The following TBL1XR1 variants were observed in gnomAD, a reference collection of about 807,000 sequenced individuals.
TBL1XR1 encodes TBL1X/Y related 1.
TBL1XR1 carries 5 observed loss-of-function variants against 66.9 expected under a neutral mutation model. The ratio of observed to expected loss-of-function variants is 0.07; its 90% CI spans 0.04 to 0.16. TBL1XR1 has a LOEUF of 0.16. TBL1XR1 is among the 10% of genes least tolerant of loss of function. TBL1XR1 has a pLI of 1.00. For missense variants in TBL1XR1, 238 were observed against 623.2 expected (o/e 0.38, Z 6.58); for synonymous variants, 210 against 206.0 (o/e 1.02, Z -0.17).
intron 1 of TBL1XR1, among the ~76,000 whole-genome samples, chr3:177,153,139 A>C (rs1390306072): frequency 6.6e-6 from 1 of 151,736 alleles, no homozygotes; most frequent in African/African-American, 2.4e-5. Flanking sequence ...TGTCTCAAAA[A>C]TAAAATAAAA....
chr3:177,171,830 A>G (rs1733555056), intron 1 of TBL1XR1, among the ~76,000 whole-genome samples: 1 of 151,702 alleles, frequency 6.6e-6, no homozygotes, highest in South Asian at 2.1e-4. Flanking sequence ...GCAAATTGTT[A>G]TGTCAGAAAG....
At chr3:177,110,039 G>C (rs1179759920) in intron 1 of TBL1XR1, among the ~76,000 whole-genome samples, 1 of 152,102 alleles carries the variant, frequency 6.6e-6, no homozygotes, top group Non-Finnish European at 1.5e-5. Context: ...TTTCTCTGCA[G>C]TATCGATTTG....
intron 10 of TBL1XR1, among the ~76,000 whole-genome samples, chr3:177,039,080 A>T (rs899612020): frequency 1.3e-5 from 2 of 152,234 alleles, no homozygotes; most frequent in African/African-American, 4.8e-5. Flanking sequence ...TAGTAAAAAT[A>T]CTGTATAATG....
intron 1 of TBL1XR1, among the ~76,000 whole-genome samples, chr3:177,107,108 A>G (rs1166188265): frequency 7.3e-5 from 11 of 151,296 alleles, no homozygotes; most frequent in Admixed American, 5.3e-4. Context: ...GGCCTCTTTA[A>G]AAAAAAAATT....
At chr3:177,150,349 A>T (rs1027564730) in intron 1 of TBL1XR1, among the ~76,000 whole-genome samples, 1 of 152,210 alleles carries the variant, frequency 6.6e-6, no homozygotes, top group Admixed American at 6.5e-5. Context: ...AGAGTCCTCA[A>T]TTCCTTAAAA....
intron 14 of TBL1XR1, among the ~76,000 whole-genome samples, chr3:177,031,073 T>G (rs1713920777): frequency 6.6e-6 from 1 of 152,078 alleles, no homozygotes; most frequent in Non-Finnish European, 1.5e-5. Flanking sequence ...GATCGTGCCA[T>G]CGCACTCCAG....
rs2108691492 is a variant in TBL1XR1 at position 177,105,190 on chromosome 3, G to T, written c.-121-6649C>A. Among the ~76,000 whole-genome samples the T allele has an allele frequency of 1.3e-5, 2 of 152,274 alleles. 1 individual carries two copies. The highest frequency in any genetic ancestry group is 4.1e-4 in the South Asian group (2 of 4,824). ...TTTAAAGTGAGTAGAGCATTAATGT[G>T]TAACTATAACTGTTTTCCCCAAAAT... On this transcript the variant is annotated intron_variant, in intron 1 of 15. Coordinates refer to ENST00000457928, the MANE Select transcript of TBL1XR1 (RefSeq NM_024665.7).
At chr3:177,128,698 T>C (rs1727940602) in intron 1 of TBL1XR1, among the ~76,000 whole-genome samples, 1 of 152,208 alleles carries the variant, frequency 6.6e-6, no homozygotes. Flanking sequence ...TGGCCACTTA[T>C]GACACAGAGC....
At chr3:177,105,894 T>C (rs2108694449) in intron 1 of TBL1XR1, among the ~76,000 whole-genome samples, 2 of 152,238 alleles carry the variant, frequency 1.3e-5, no homozygotes, top group East Asian at 3.9e-4. Flanking sequence ...CAGGTCTAAT[T>C]ATTAACCTAA....
chr3:177,188,869 T>A (rs1283816369), intron 1 of TBL1XR1, among the ~76,000 whole-genome samples: 1 of 152,238 alleles, frequency 6.6e-6, no homozygotes, highest in African/African-American at 2.4e-5. Flanking sequence ...ACTCATTTTG[T>A]TTGATTCAAA....
intron 1 of TBL1XR1, among the ~76,000 whole-genome samples, chr3:177,165,488 T>TA (rs2108904292): frequency 6.6e-6 from 1 of 152,232 alleles, no homozygotes; most frequent in Non-Finnish European, 1.5e-5. Flanking sequence ...TCAACAAACT[T>TA]AAGTCTTAAG....
intron 2 of TBL1XR1, chr3:177,087,112 G>C (rs1448262144): frequency 6.8e-6 from 1 of 147,050 alleles, no homozygotes; most frequent in East Asian, 2.0e-4. Context: ...AGATGCAACT[G>C]TACTTTTAAA....
intron 1 of TBL1XR1, among the ~76,000 whole-genome samples, chr3:177,149,720 G>GC (rs1354038490): frequency 6.6e-6 from 1 of 152,074 alleles, no homozygotes; most frequent in African/African-American, 2.4e-5. Context: ...GGTTGGGGGG[G>GC]CCGGAGGGGG....
chr3:177,159,224 G>A (rs1014069789), intron 1 of TBL1XR1, among the ~76,000 whole-genome samples: 12 of 151,832 alleles, frequency 7.9e-5, no homozygotes, highest in African/African-American at 2.4e-4. Flanking sequence ...TCCTGCTGCT[G>A]AGGAAAGTAA....
chr3:177,080,153 G>T (rs1447077775), intron 2 of TBL1XR1, among the ~76,000 whole-genome samples: 1 of 152,088 alleles, frequency 6.6e-6, no homozygotes, highest in East Asian at 1.9e-4. Flanking sequence ...CAATAAAAAG[G>T]ACATACACAA....
intron 4 of TBL1XR1, among the ~76,000 whole-genome samples, chr3:177,052,981 A>G (rs763079918): frequency 5.3e-5 from 8 of 152,156 alleles, no homozygotes; most frequent in Non-Finnish European, 1.0e-4. Flanking sequence ...GGGTGCCTAT[A>G]ATCCCAGCTG....
At chr3:177,139,999 T>C (rs1729453843) in intron 1 of TBL1XR1, among the ~76,000 whole-genome samples, 1 of 152,146 alleles carries the variant, frequency 6.6e-6, no homozygotes, top group South Asian at 2.1e-4. Flanking sequence ...CACCAAGTTC[T>C]ACAAGAAAAA....
chr3:177,054,064 G>A (rs1560121648), intron 3 of TBL1XR1, 146 bp from the exon 4 acceptor site: 2 of 679,304 alleles, frequency 2.9e-6, no homozygotes, highest in Admixed American at 6.4e-5. Flanking sequence ...GTGTGTGTGT[G>A]TGTGTGTGTG....
Position 177,111,271 on chromosome 3 carries a change from A to ATT in TBL1XR1, c.-121-12732_-121-12731dup, listed in dbSNP as rs10569471. On this transcript the variant is annotated intron_variant, in intron 1 of 15. Transcript: ENST00000457928. ...TTCCACTGAGAAACCACTATGATTG[A>ATT]TTTTTTTTTTTTTTTTTTAAAGACA... is the stretch of plus-strand genomic sequence containing the variant. Among the ~76,000 whole-genome samples the ATT allele has an allele frequency of 6.2e-5, 9 of 144,110 alleles. No homozygotes were observed. The South Asian group carries it at 8.9e-4, about 14-fold the overall frequency. 94.5% of individuals were successfully genotyped at this position (144,110 alleles called of 152,430 possible).
Sources: gnomAD v4.1 joint callset for allele counts (sites outside exome capture counted in the v4.1 genomes callset) on GRCh38, gnomAD v4.1.1 for gene constraint, MANE v1.5 for transcripts, NCBI Gene and HGNC (gene_info 2026-07-23, HGNC 2026-07-21) for gene names.